CTXND1: variants seen among roughly 807,000 people sequenced by gnomAD.
CTXND1 encodes the protein cortexin domain containing 1.
At chr15:80,215,802 A>T (rs1448249567) in intron 1 of CTXND1, among the ~76,000 whole-genome samples, 1 of 152,124 alleles carries the variant, frequency 6.6e-6, no homozygotes, top group African/African-American at 2.4e-5. Flanking sequence ...CTCCAAGATG[A>T]TTTCATTCCA....
At chr15:80,221,713 T>A (rs1487846223) in intron 1 of CTXND1, among the ~76,000 whole-genome samples, 2 of 152,220 alleles carry the variant, frequency 1.3e-5, no homozygotes, top group African/African-American at 4.8e-5. Context: ...ATTTTAAATC[T>A]TTTTTGCTTA....
In CTXND1 at chr15:80,220,939, C is replaced by T. The variant is rs1191317820; in HGVS notation, c.-217-17199G>A. ...TTTTTTTTTTTTTGAGACAGAGTCT[C>T]GCTCTGTCGCCCAGGCTGGAGTGCA... On this transcript the variant is annotated intron_variant, in intron 1 of 2. Coordinates refer to ENST00000560778, the MANE Select transcript of CTXND1 (RefSeq NM_001352888.2). 8.8e-5 allele frequency among the ~76,000 whole-genome samples: 13 copies of T among 148,386 alleles called. No individual in the cohort carries two copies. The East Asian group carries it at 9.9e-4, about 11-fold the overall frequency.
At chr15:80,204,542 CT>C in intron 1 of CTXND1, among the ~76,000 whole-genome samples, 1 of 151,466 alleles carries the variant, frequency 6.6e-6, no homozygotes, top group Non-Finnish European at 1.5e-5. Flanking sequence ...CAGTATTTGT[CT>C]TTTTGTGACT....
intron 1 of CTXND1, among the ~76,000 whole-genome samples, chr15:80,207,389 CT>C (rs1214324427): frequency 6.6e-6 from 1 of 151,966 alleles, no homozygotes; most frequent in Non-Finnish European, 1.5e-5. Flanking sequence ...GCTATTAAAT[CT>C]ACCTATTCAC....
chr15:80,226,083 G>A (rs1893368570), intron 1 of CTXND1, among the ~76,000 whole-genome samples: 1 of 152,226 alleles, frequency 6.6e-6, no homozygotes. Flanking sequence ...GAAACAAAAA[G>A]AGGAGGTTAA....
intron 1 of CTXND1, among the ~76,000 whole-genome samples, chr15:80,226,481 T>C (rs1193533607): frequency 6.6e-6 from 1 of 152,184 alleles, no homozygotes; most frequent in Non-Finnish European, 1.5e-5. Context: ...CTCCTGCTAG[T>C]GTTAGAAAGC....
In CTXND1 at chr15:80,207,291, G is replaced by GTT. The variant is rs58562286; in HGVS notation, c.-217-3553_-217-3552dup. 5.1e-3 allele frequency among the ~76,000 whole-genome samples: 741 copies of GTT among 146,518 alleles called. 5 individuals carry two copies. The highest frequency in any genetic ancestry group is 0.017 in the African/African-American group (686 of 39,982). On this transcript the variant is annotated intron_variant, in intron 1 of 2. Coordinates refer to ENST00000560778, the MANE Select transcript of CTXND1 (RefSeq NM_001352888.2). The stretch of plus-strand genomic sequence containing the variant: ...ATTTTATTTGTTATGCTTTTTTCCT[G>GTT]TTTTTTTTTTCTTTTTATGCTGTAG...
intron 1 of CTXND1, among the ~76,000 whole-genome samples, chr15:80,231,145 T>C (rs914276649): frequency 3.3e-5 from 5 of 152,028 alleles, no homozygotes; most frequent in African/African-American, 1.2e-4. Context: ...GTTATTGCTA[T>C]CTAGCTTAAT....
intron 1 of CTXND1, among the ~76,000 whole-genome samples, chr15:80,210,918 C>T (rs1368036158): frequency 1.3e-5 from 2 of 152,192 alleles, no homozygotes; most frequent in Admixed American, 6.5e-5. Flanking sequence ...GGTGAGTCTT[C>T]TTGTAAAGCC....
At chr15:80,231,383 T>A (rs1204758950) in intron 1 of CTXND1, among the ~76,000 whole-genome samples, 1 of 149,974 alleles carries the variant, frequency 6.7e-6, no homozygotes, top group Non-Finnish European at 1.5e-5. Flanking sequence ...ATTTTTATCC[T>A]GCATTTAAAA....
At chr15:80,225,384 A>G (rs1478538150) in intron 1 of CTXND1, among the ~76,000 whole-genome samples, 4 of 151,796 alleles carry the variant, frequency 2.6e-5, no homozygotes, top group Non-Finnish European at 5.9e-5. Flanking sequence ...GGCACCTTTT[A>G]TTTAAAAATT....
intron 1 of CTXND1, among the ~76,000 whole-genome samples, chr15:80,227,499 C>T (rs951979883): frequency 3.3e-5 from 5 of 151,814 alleles, no homozygotes; most frequent in South Asian, 4.2e-4. Context: ...TGGGGTCATA[C>T]GTTGGAGATA....
chr15:80,242,249 A>C (rs1440405975), intron 1 of CTXND1, among the ~76,000 whole-genome samples: 1 of 152,222 alleles, frequency 6.6e-6, no homozygotes, highest in East Asian at 1.9e-4. Flanking sequence ...CCTGCACCCC[A>C]GGTGTCCACT....
chr15:80,225,321 A>C (rs8041926), intron 1 of CTXND1, among the ~76,000 whole-genome samples: 34,759 of 151,668 alleles, frequency 0.23, 4,245 homozygotes, highest in Non-Finnish European at 0.27. Context: ...AGAGATTTTT[A>C]ATGTGTGTGT....
At chr15:80,245,051 G>A (rs766010064) in intron 1 of CTXND1, among the ~76,000 whole-genome samples, 1 of 152,162 alleles carries the variant, frequency 6.6e-6, no homozygotes, top group Non-Finnish European at 1.5e-5. Flanking sequence ...GAGGATTAGG[G>A]TACCAGCCTC....
At chr15:80,242,711 G>T (rs1420089217) in intron 1 of CTXND1, among the ~76,000 whole-genome samples, 1 of 152,142 alleles carries the variant, frequency 6.6e-6, no homozygotes. Flanking sequence ...TAAAATTCAG[G>T]ATTTCTGCTT....
chr15:80,224,760 T>C (rs1362663479), intron 1 of CTXND1, among the ~76,000 whole-genome samples: 1 of 152,206 alleles, frequency 6.6e-6, no homozygotes, highest in Non-Finnish European at 1.5e-5. Context: ...TAGTTTTAAA[T>C]TGAGACAGGC....
chr15:80,208,341 T>C (rs1030124750), intron 1 of CTXND1, among the ~76,000 whole-genome samples: 2 of 152,236 alleles, frequency 1.3e-5, no homozygotes, highest in African/African-American at 4.8e-5. Context: ...ATATCACAAA[T>C]ATGATATCAT....
At chr15:80,224,725 TTTTA>T (rs777076483) in intron 1 of CTXND1, among the ~76,000 whole-genome samples, 1 of 152,162 alleles carries the variant, frequency 6.6e-6, no homozygotes, top group African/African-American at 2.4e-5. Context: ...ATTTTTCGTA[TTTTA>T]TTTGAGTAGT....
Sources: gnomAD v4.1 joint callset for allele counts (sites outside exome capture counted in the v4.1 genomes callset) on GRCh38, gnomAD v4.1.1 for gene constraint, MANE v1.5 for transcripts, NCBI Gene and HGNC (gene_info 2026-07-23, HGNC 2026-07-21) for gene names.